Variants in HIPK2 observed in about 807,000 individuals in gnomAD.
HIPK2 encodes homeodomain-interacting protein kinase 2.
Under a neutral mutation model 113.7 loss-of-function variants are expected in HIPK2, and 27 were observed. The ratio of observed to expected loss-of-function variants is 0.24; its 90% CI spans 0.17 to 0.33. The LOEUF is 0.33. Ranked by LOEUF, HIPK2 falls within the 10% of genes least tolerant of loss-of-function variation. HIPK2 has a pLI of 1.00. For missense variants in HIPK2, 1,257 were observed against 1,588.0 expected (o/e 0.79, Z 3.54); for synonymous variants, 631 against 642.2 (o/e 0.98, Z 0.26).
chr7:139,632,244 GA>G (rs1235492356), intron 2 of HIPK2, among the ~76,000 whole-genome samples: 1 of 152,130 alleles, frequency 6.6e-6, no homozygotes, highest in Non-Finnish European at 1.5e-5. Context: ...TTGAACTTCT[GA>G]ACTCAAACAA....
At chr7:139,670,283 A>C (rs1053498689) in intron 2 of HIPK2, among the ~76,000 whole-genome samples, 1 of 152,068 alleles carries the variant, frequency 6.6e-6, no homozygotes, top group East Asian at 1.9e-4. Context: ...CCAGCTCTTC[A>C]TATGTCTAAG....
intron 2 of HIPK2, among the ~76,000 whole-genome samples, chr7:139,639,753 A>G (rs962684255): frequency 3.3e-5 from 5 of 152,236 alleles, no homozygotes; most frequent in African/African-American, 9.6e-5. Flanking sequence ...TAGGTGCTCC[A>G]TACACATTTG....
intron 2 of HIPK2, among the ~76,000 whole-genome samples, chr7:139,655,713 G>A (rs1801643033): frequency 6.6e-6 from 1 of 152,290 alleles, no homozygotes; most frequent in African/African-American, 2.4e-5. Context: ...AGGTGAAGAT[G>A]TATGATTACA....
At chr7:139,646,324 C>T (rs952690777) in intron 2 of HIPK2, among the ~76,000 whole-genome samples, 1 of 151,750 alleles carries the variant, frequency 6.6e-6, no homozygotes, top group African/African-American at 2.4e-5. Flanking sequence ...AGTAAGACTC[C>T]GTCCCTACAA....
intron 2 of HIPK2, among the ~76,000 whole-genome samples, chr7:139,703,332 A>G (rs1051343778): frequency 6.2e-4 from 95 of 152,286 alleles, no homozygotes; most frequent in African/African-American, 2.3e-3. Context: ...GACTTTCACA[A>G]GTGCGGACAT....
chr7:139,569,170 A>G lies in HIPK2; in HGVS notation c.*3757T>C, dbSNP rs1012120578. On this transcript the variant is annotated 3_prime_UTR_variant, in exon 15 of 15. Transcript: ENST00000406875. ...TCCCTCCACCCACTTCCAGCTGGCT[A>G]GAATTGGGTGCTGGGGGCATGCATC... 1 of 152,152 alleles carries G rather than the reference A, an allele frequency of 6.6e-6. No homozygotes were observed. Among genetic ancestry groups the G allele is most frequent in the Admixed American group, 6.5e-5 (1 of 15,280 alleles). The allele number at this position is 152,152 out of a possible 1,614,324, so 9.4% of individuals were successfully genotyped here.
chr7:139,743,773 G>C (rs762079513), intron 1 of HIPK2, among the ~76,000 whole-genome samples: 18 of 152,190 alleles, frequency 1.2e-4, no homozygotes, highest in Non-Finnish European at 1.9e-4. Context: ...TAAGACTCAG[G>C]ATGCTGAGGA....
At chr7:139,765,210 C>T (rs575112780) in intron 1 of HIPK2, among the ~76,000 whole-genome samples, 72 of 152,084 alleles carry the variant, frequency 4.7e-4, no homozygotes, top group Non-Finnish European at 8.2e-4. Context: ...ATGTTCAAAT[C>T]CCTTGACCTA....
chr7:139,699,803 C>T (rs1002704069), intron 2 of HIPK2, among the ~76,000 whole-genome samples: 3 of 152,244 alleles, frequency 2.0e-5, no homozygotes, highest in Non-Finnish European at 2.9e-5. Context: ...CCTCACAGCA[C>T]TGGGTCACAA....
intron 7 of HIPK2, among the ~76,000 whole-genome samples, chr7:139,619,053 G>A (rs1392040962): frequency 1.3e-5 from 2 of 152,124 alleles, no homozygotes; most frequent in Non-Finnish European, 2.9e-5. Flanking sequence ...GAATGCAAAC[G>A]GCCCCCAGAG....
chr7:139,681,811 G>C (rs1032061900), intron 2 of HIPK2, among the ~76,000 whole-genome samples: 3 of 152,272 alleles, frequency 2.0e-5, no homozygotes, highest in South Asian at 4.1e-4. Context: ...CACTGCTCCA[G>C]GGAGCAGAAG....
At chr7:139,648,963 A>G (rs1258271348) in intron 2 of HIPK2, among the ~76,000 whole-genome samples, 1 of 151,922 alleles carries the variant, frequency 6.6e-6, no homozygotes, top group Non-Finnish European at 1.5e-5. Context: ...AAGAACAGAA[A>G]CTCTAAAAGC....
At chr7:139,660,335 A>G (rs1429232610) in intron 2 of HIPK2, among the ~76,000 whole-genome samples, 2 of 152,218 alleles carry the variant, frequency 1.3e-5, no homozygotes, top group African/African-American at 4.8e-5. Flanking sequence ...CCTCAACCAA[A>G]CTCAAATACA....
intron 12 of HIPK2, among the ~76,000 whole-genome samples, chr7:139,590,267 A>C (rs951383624): frequency 6.6e-6 from 1 of 152,360 alleles, no homozygotes; most frequent in Non-Finnish European, 1.5e-5. Context: ...ACTTCTGAAT[A>C]AAGAACAAAG....
At chr7:139,574,131 A>C (rs1354664160) in intron 14 of HIPK2, among the ~76,000 whole-genome samples, 1 of 151,944 alleles carries the variant, frequency 6.6e-6, no homozygotes, top group Middle Eastern at 3.2e-3. Flanking sequence ...CGGCCAGGAC[A>C]CTCTCTTTGA....
chr7:139,614,368 G>A lies in HIPK2; in HGVS notation c.1908C>T (p.Pro636=). Residue 636 remains proline, a synonymous_variant, in exon 8 of 15, where the codon CCC becomes CCT. Coordinates refer to ENST00000406875, the MANE Select transcript of HIPK2 (RefSeq NM_022740.5). ...AAATCTGGGCTGTTCCTGTCTGCAG[G>A]GGCATGCTCCGCTGGGCCACTGCAG... ...SMAAVAQRSM[P]LQTGTAQICA... 6.3e-7 allele frequency: 1 copy of A among 1,586,090 alleles called. No individual in the cohort carries two copies. Among genetic ancestry groups the A allele is most frequent in the Non-Finnish European group, 8.6e-7 (1 of 1,161,482 alleles).
rs758650541 is a variant in HIPK2, at chr7:139,620,573, C to A, written c.1620-10G>T. 1.2e-6 allele frequency: 2 copies of A among 1,613,594 alleles called. No individual in the cohort carries two copies. The highest frequency in any genetic ancestry group is 1.7e-6 in the Non-Finnish European group (2 of 1,179,696). ...GAAACATGATTTGACGCTGTTCATGCAAAAGGCAGAGGCATATTGAGACAT... is the reference window on the plus strand; with the variant it reads ...GAAACATGATTTGACGCTGTTCATGAAAAAGGCAGAGGCATATTGAGACAT... On this transcript the variant is annotated splice_polypyrimidine_tract_variant and intron_variant, in intron 6 of 14. Transcript: ENST00000406875.
chr7:139,769,405 T>C (rs908465874), intron 1 of HIPK2, among the ~76,000 whole-genome samples: 14 of 152,246 alleles, frequency 9.2e-5, no homozygotes, highest in African/African-American at 3.1e-4. Context: ...AATTACCTTG[T>C]TCAAGTATCA....
chr7:139,717,882 T>C (rs1034753985), intron 1 of HIPK2, among the ~76,000 whole-genome samples: 6 of 152,110 alleles, frequency 3.9e-5, no homozygotes, highest in African/African-American at 1.2e-4. Context: ...AGGCTGGGAT[T>C]ATAGGTTCCT....
Sources: gnomAD v4.1 joint callset for allele counts (sites outside exome capture counted in the v4.1 genomes callset) on GRCh38, gnomAD v4.1.1 for gene constraint, MANE v1.5 for transcripts, NCBI Gene and HGNC (gene_info 2026-07-23, HGNC 2026-07-21) for gene names.